Variants in ZMIZ1 observed in about 807,000 individuals in gnomAD.
ZMIZ1 encodes the protein zinc finger MIZ-type containing 1, also known as zinc finger MIZ domain-containing protein 1.
In ZMIZ1, 17 loss-of-function variants were observed where a neutral mutation model predicts 113.9. That is an observed-to-expected ratio of 0.15 (90% CI 0.10 to 0.22). The LOEUF (loss-of-function observed/expected upper bound fraction) is 0.22, where lower values mean the gene tolerates loss of function less well. Ranked by LOEUF, ZMIZ1 falls within the 10% of genes least tolerant of loss-of-function variation. The probability of loss-of-function intolerance (pLI) is 1.00; values close to 1 mark genes in which losing one functional copy is unlikely to be tolerated. For synonymous variants in ZMIZ1, 607 were observed against 603.1 expected, an observed-to-expected ratio of 1.01 and a Z score of -0.09; for missense variants, 1,059 against 1,477.8, an observed-to-expected ratio of 0.72 and a Z score of 4.65.
intron 1 of ZMIZ1, among the ~76,000 whole-genome samples, chr10:79,100,063 A>G (rs1843306598): frequency 6.6e-6 from 1 of 152,074 alleles, no homozygotes; most frequent in Admixed American, 6.5e-5. Context: ...CTCTTGTTGA[A>G]TGCTAGGCCC....
At chr10:79,234,775 C>G (rs1452253214) in intron 7 of ZMIZ1, among the ~76,000 whole-genome samples, 1 of 152,200 alleles carries the variant, frequency 6.6e-6, no homozygotes, top group Non-Finnish European at 1.5e-5. Flanking sequence ...CCGGCCTTTA[C>G]AGGGAATTAG....
At chr10:79,151,673 CCTT>C (rs1377435766) in intron 3 of ZMIZ1, among the ~76,000 whole-genome samples, 8 of 152,228 alleles carry the variant, frequency 5.3e-5, no homozygotes, top group Non-Finnish European at 7.3e-5. Context: ...CACCACCCCT[CCTT>C]CTTCCTCTGG....
At chr10:79,121,477 A>G (rs1554853381) in intron 2 of ZMIZ1, among the ~76,000 whole-genome samples, 1 of 152,232 alleles carries the variant, frequency 6.6e-6, no homozygotes, top group Non-Finnish European at 1.5e-5. Flanking sequence ...AAGATAGGCT[A>G]TTCTCTGGGG....
At chr10:79,292,714 G>A (rs754183246) in intron 11 of ZMIZ1, 14 of 474,636 alleles carry the variant, frequency 2.9e-5, no homozygotes, top group Admixed American at 1.2e-4. Flanking sequence ...TCTTGTGACC[G>A]GTCTGTCTCC....
intron 9 of ZMIZ1, among the ~76,000 whole-genome samples, chr10:79,290,469 C>T (rs980476680): frequency 6.6e-6 from 1 of 152,196 alleles, no homozygotes; most frequent in Admixed American, 6.5e-5. Flanking sequence ...CTGGGCTGAC[C>T]GGTTGTCGCC....
intron 4 of ZMIZ1, among the ~76,000 whole-genome samples, chr10:79,177,900 T>G: frequency 6.6e-6 from 1 of 152,248 alleles, no homozygotes; most frequent in Non-Finnish European, 1.5e-5. Flanking sequence ...AGTATGTTTC[T>G]TTCTGGTCAC....
At chr10:79,164,043 T>C (rs988227812) in intron 4 of ZMIZ1, among the ~76,000 whole-genome samples, 1 of 149,722 alleles carries the variant, frequency 6.7e-6, no homozygotes, top group African/African-American at 2.4e-5. Context: ...AAAAAAAAAA[T>C]GAGGAAGAGA....
chr10:79,084,780 A>T (rs1415770379), intron 1 of ZMIZ1, among the ~76,000 whole-genome samples: 1 of 142,476 alleles, frequency 7.0e-6, no homozygotes, highest in Non-Finnish European at 1.5e-5. Flanking sequence ...TCCTAGGGTC[A>T]GCGGCTGGGC....
At chr10:79,214,579 C>T (rs899246053) in intron 6 of ZMIZ1, among the ~76,000 whole-genome samples, 1 of 152,148 alleles carries the variant, frequency 6.6e-6, no homozygotes, top group Non-Finnish European at 1.5e-5. Context: ...TCACAAATTC[C>T]TGAGATTTAA....
chr10:79,247,933 C>A lies in ZMIZ1; in HGVS notation c.281-29248C>A, dbSNP rs554966365. 6.6e-5 allele frequency among the ~76,000 whole-genome samples: 10 copies of A among 152,282 alleles called. No homozygotes were observed. In the South Asian group the frequency reaches 1.2e-3, roughly 19 times the overall value. ...GTGTGACCTTTGGCAAGTCACTTCCCCTCTGGGGGCCTGAGTGTCTCATCT... is the reference window on the plus strand; with the variant it reads ...GTGTGACCTTTGGCAAGTCACTTCCACTCTGGGGGCCTGAGTGTCTCATCT... On this transcript the variant is annotated intron_variant, in intron 7 of 24. Transcript: ENST00000334512.
chr10:79,136,018 G>A (rs1418432357), intron 2 of ZMIZ1, among the ~76,000 whole-genome samples: 1 of 152,160 alleles, frequency 6.6e-6, no homozygotes, highest in Admixed American at 6.5e-5. Context: ...AAAACAAAGA[G>A]AGAAAACAAA....
intron 7 of ZMIZ1, among the ~76,000 whole-genome samples, chr10:79,248,398 A>G (rs1850338915): frequency 6.6e-6 from 1 of 152,136 alleles, no homozygotes; most frequent in South Asian, 2.1e-4. Context: ...GAGCTCGAGG[A>G]GAGGTTGAGT....
chr10:79,249,451 G>T (rs1850410944), intron 7 of ZMIZ1, among the ~76,000 whole-genome samples: 1 of 152,218 alleles, frequency 6.6e-6, no homozygotes, highest in East Asian at 1.9e-4. Flanking sequence ...GGTCACCCAG[G>T]CAGGAATTGA....
chr10:79,085,097 G>C (rs1842766936), intron 1 of ZMIZ1, among the ~76,000 whole-genome samples: 1 of 152,208 alleles, frequency 6.6e-6, no homozygotes, highest in South Asian at 2.1e-4. Context: ...CACAGGTCCT[G>C]TGGTGGCCCC....
intron 1 of ZMIZ1, among the ~76,000 whole-genome samples, chr10:79,112,922 G>A (rs1041935780): frequency 3.3e-5 from 5 of 152,176 alleles, no homozygotes; most frequent in African/African-American, 9.7e-5. Flanking sequence ...TTTCTCTGGC[G>A]AGGGTGCTAT....
At chr10:79,253,148 G>A (rs1024391625) in intron 7 of ZMIZ1, among the ~76,000 whole-genome samples, 3 of 152,214 alleles carry the variant, frequency 2.0e-5, no homozygotes, top group African/African-American at 7.2e-5. Context: ...GCCTGTTGCA[G>A]AGATTATGTG....
chr10:79,093,438 G>C (rs568402532), intron 1 of ZMIZ1, among the ~76,000 whole-genome samples: 1 of 151,608 alleles, frequency 6.6e-6, no homozygotes, highest in African/African-American at 2.4e-5. Flanking sequence ...GCGATTCTCC[G>C]GCCTCAGCCT....
intron 7 of ZMIZ1, among the ~76,000 whole-genome samples, chr10:79,239,906 C>T (rs1849741820): frequency 1.0e-5 from 1 of 96,884 alleles, no homozygotes; most frequent in Admixed American, 1.2e-4. Context: ...CCCACCCCAA[C>T]CCCACCCAGT....
chr10:79,079,291 G>C (rs752553834), intron 1 of ZMIZ1, among the ~76,000 whole-genome samples: 5 of 152,226 alleles, frequency 3.3e-5, no homozygotes, highest in Non-Finnish European at 7.3e-5. Context: ...TGGGGGCTGT[G>C]GGCCCCCAGA....
Sources: gnomAD v4.1 joint callset for allele counts (sites outside exome capture counted in the v4.1 genomes callset) on GRCh38, gnomAD v4.1.1 for gene constraint, MANE v1.5 for transcripts, NCBI Gene and HGNC (gene_info 2026-07-23, HGNC 2026-07-21) for gene names.